PCDH15: variants seen among roughly 807,000 people sequenced by gnomAD.
PCDH15 encodes protocadherin-15.
A neutral mutation model predicts 178.5 loss-of-function variants in PCDH15; 129 were observed. That is an observed-to-expected ratio of 0.72 (90% CI 0.63 to 0.84). The LOEUF is 0.84. Ranked by LOEUF, PCDH15 falls within the 40% of genes least tolerant of loss-of-function variation. The pLI is 0.00. For synonymous variants in PCDH15, 800 were observed against 732.0 expected, an observed-to-expected ratio of 1.09 and a Z score of -1.50; for missense variants, 2,230 against 2,099.9, an observed-to-expected ratio of 1.06 and a Z score of -1.21.
intron 17 of PCDH15, among the ~76,000 whole-genome samples, chr10:54,075,806 G>T (rs1184779678): frequency 6.6e-6 from 1 of 152,052 alleles, no homozygotes; most frequent in Non-Finnish European, 1.5e-5. Context: ...ACATTGGCCT[G>T]TATTTCTGTT....
intron 20 of PCDH15, among the ~76,000 whole-genome samples, chr10:53,998,591 T>G (rs1329456817): frequency 1.3e-5 from 2 of 151,884 alleles, no homozygotes; most frequent in Non-Finnish European, 2.9e-5. Flanking sequence ...AGTTTGTAAA[T>G]GTAATGACAA....
intron 26 of PCDH15, among the ~76,000 whole-genome samples, chr10:53,872,174 C>A (rs912102131): frequency 6.6e-6 from 1 of 152,090 alleles, no homozygotes; most frequent in Non-Finnish European, 1.5e-5. Context: ...TCCCTCTTTA[C>A]AAATTTCAGT....
chr10:55,532,465 G>A lies in PCDH15; in HGVS notation c.-156+95160C>T, dbSNP rs539414816. ...ATTTTCTGAGTGACTTCTATGTGCT[G>A]TGATAGGTGCAATGGATTCAAAAGT... On this transcript the variant is annotated intron_variant, in intron 2 of 5. Coordinates refer to the PCDH15 transcript ENST00000613346. 1.4e-3 allele frequency among the ~76,000 whole-genome samples: 215 copies of A among 152,166 alleles called. 1 individual carries two copies. Among genetic ancestry groups the A allele is most frequent in the South Asian group, 3.9e-3 (19 of 4,824 alleles).
At chr10:54,998,865 T>C (rs963495376) in intron 2 of PCDH15, among the ~76,000 whole-genome samples, 7 of 152,184 alleles carry the variant, frequency 4.6e-5, no homozygotes, top group African/African-American at 1.7e-4. Context: ...GATATTCAGT[T>C]GTATATCAGG....
chr10:53,995,118 T>C (rs973324381), intron 21 of PCDH15: 1 of 157,768 alleles, frequency 6.3e-6, no homozygotes. Context: ...ACTATAATAA[T>C]ATTTTAATTA....
intron 1 of PCDH15, among the ~76,000 whole-genome samples, chr10:54,721,523 G>A (rs765423140): frequency 2.0e-5 from 3 of 151,812 alleles, no homozygotes; most frequent in African/African-American, 7.2e-5. Flanking sequence ...AGTACAATGA[G>A]AAGTGGTAAA....
At chr10:53,878,954 T>C (rs1012084179) in intron 26 of PCDH15, among the ~76,000 whole-genome samples, 14 of 152,192 alleles carry the variant, frequency 9.2e-5, no homozygotes, top group Non-Finnish European at 1.8e-4. Context: ...GCTGAATAAG[T>C]TGGCTGTGAA....
intron 3 of PCDH15, among the ~76,000 whole-genome samples, chr10:54,865,561 A>T (rs369909811): frequency 3.2e-4 from 49 of 152,268 alleles, no homozygotes; most frequent in African/African-American, 1.1e-3. Context: ...GCAGAACAGC[A>T]TGGGGAAAAC....
intron 34 of PCDH15, 92 bp from the exon 35 acceptor site, chr10:53,816,369 C>G: frequency 5.0e-6 from 2 of 397,010 alleles, no homozygotes; most frequent in Non-Finnish European, 8.9e-6. Flanking sequence ...AAAAAGGCGA[C>G]AGTTTAAAAC....
At chr10:54,095,928 T>G (rs2094691577) in intron 15 of PCDH15, among the ~76,000 whole-genome samples, 1 of 152,084 alleles carries the variant, frequency 6.6e-6, no homozygotes, top group Non-Finnish European at 1.5e-5. Context: ...CAAAATAAAC[T>G]TAGAACTAAT....
intron 2 of PCDH15, among the ~76,000 whole-genome samples, chr10:54,985,370 A>G (rs956832236): frequency 1.3e-5 from 2 of 152,230 alleles, no homozygotes; most frequent in Admixed American, 6.5e-5. Context: ...ATACATATGC[A>G]TAAGTATTTA....
intron 8 of PCDH15, among the ~76,000 whole-genome samples, chr10:54,249,481 C>T (rs2056289016): frequency 6.6e-6 from 1 of 152,040 alleles, no homozygotes; most frequent in Non-Finnish European, 1.5e-5. Flanking sequence ...TTGTGTCTTG[C>T]CTGTTCATTT....
At chr10:54,514,856 C>G (rs1254982345) in intron 3 of PCDH15, among the ~76,000 whole-genome samples, 2 of 152,132 alleles carry the variant, frequency 1.3e-5, no homozygotes, top group Non-Finnish European at 2.9e-5. Flanking sequence ...AATGGTTCAT[C>G]AGTAACAGAA....
chr10:55,408,465 T>C (rs1273683098), intron 2 of PCDH15, among the ~76,000 whole-genome samples: 2 of 152,084 alleles, frequency 1.3e-5, no homozygotes, highest in Non-Finnish European at 2.9e-5. Context: ...ATTACAGGCA[T>C]GAGGCACCTG....
intron 23 of PCDH15, among the ~76,000 whole-genome samples, chr10:53,945,552 T>TCC (rs1187777562): frequency 6.6e-6 from 1 of 151,978 alleles, no homozygotes; most frequent in Admixed American, 6.6e-5. Context: ...GACAAATATC[T>TCC]CCCCAATCCT....
chr10:55,400,573 G>A lies in PCDH15; in HGVS notation c.-156+227052C>T, dbSNP rs114241710. On this transcript the variant is annotated intron_variant, in intron 2 of 5. Transcript: ENST00000613346. ...TGTAACTCCAGAAACAATATTCTCC[G>A]TGCTCCCATGGTTATTCCTGAACAA... Among the ~76,000 whole-genome samples, 152 of 152,060 alleles carry A rather than the reference G, an allele frequency of 1.0e-3. 1 individual carries two copies. Among genetic ancestry groups the A allele is most frequent in the African/African-American group, 3.3e-3 (138 of 41,484 alleles).
At chr10:55,171,318 A>G (rs1839326418) in intron 1 of PCDH15, among the ~76,000 whole-genome samples, 1 of 152,220 alleles carries the variant, frequency 6.6e-6, no homozygotes, top group Admixed American at 6.5e-5. Context: ...CTTAGGCCTA[A>G]ATGATGCATT....
rs202138571 is a variant in PCDH15 at position 55,089,416 on chromosome 10, ATCTG to A, written c.-80+77156_-80+77159del. ...AAAAATATCATTTTCTCTACTTGAT[ATCTG>A]TCTAATGTAATGTTACCACATTTTT... On this transcript the variant is annotated intron_variant, in intron 2 of 5. Transcript: ENST00000458638. 3.8e-3 allele frequency among the ~76,000 whole-genome samples: 577 copies of A among 152,246 alleles called. 3 individuals are homozygous for A. The highest frequency in any genetic ancestry group is 0.013 in the African/African-American group (537 of 41,568).
At chr10:55,244,311 C>T (rs1272941420) in intron 1 of PCDH15, among the ~76,000 whole-genome samples, 1 of 151,678 alleles carries the variant, frequency 6.6e-6, no homozygotes, top group East Asian at 1.9e-4. Flanking sequence ...AAATATTTGC[C>T]ACCTTCTCTA....
Sources: allele counts gnomAD v4.1 joint callset (sites outside exome capture counted in the v4.1 genomes callset), GRCh38; gene constraint gnomAD v4.1.1; transcripts MANE v1.5; gene names NCBI Gene and HGNC (gene_info 2026-07-23, HGNC 2026-07-21).